KHDRBS3: variants seen among roughly 807,000 people sequenced by gnomAD.
KHDRBS3 encodes the protein KH RNA binding domain containing, signal transduction associated 3.
KHDRBS3 carries 23 observed loss-of-function variants against 45.6 expected under a neutral mutation model. The observed-to-expected ratio is 0.50, with a 90% confidence interval of 0.36 to 0.72. The LOEUF is 0.72. Among genes scored for constraint, KHDRBS3 ranks in the 30% least tolerant of loss-of-function variants. KHDRBS3 has a pLI of 0.00. For synonymous variants in KHDRBS3, 162 were observed against 156.5 expected, an observed-to-expected ratio of 1.04 and a Z score of -0.26; for missense variants, 352 against 424.8, an observed-to-expected ratio of 0.83 and a Z score of 1.51.
At chr8:135,553,791 T>C (rs984122742) in intron 4 of KHDRBS3, among the ~76,000 whole-genome samples, 1 of 152,198 alleles carries the variant, frequency 6.6e-6, no homozygotes, top group Admixed American at 6.5e-5. Context: ...TGCTTACACA[T>C]ATTTACTCAA....
chr8:135,527,053 G>A (rs1223616144), intron 2 of KHDRBS3, among the ~76,000 whole-genome samples: 1 of 151,926 alleles, frequency 6.6e-6, no homozygotes, highest in African/African-American at 2.4e-5. Context: ...AGGACCTACA[G>A]ATACATTATG....
At chr8:135,553,196 G>A (rs1290052155) in intron 4 of KHDRBS3, among the ~76,000 whole-genome samples, 2 of 152,062 alleles carry the variant, frequency 1.3e-5, no homozygotes, top group Admixed American at 1.3e-4. Flanking sequence ...GCATCCTTAG[G>A]CAAGCAGGCC....
intron 1 of KHDRBS3, among the ~76,000 whole-genome samples, chr8:135,513,074 C>T (rs1387934971): frequency 1.3e-5 from 2 of 152,086 alleles, no homozygotes; most frequent in Non-Finnish European, 2.9e-5. Context: ...GTGGCAGGCA[C>T]CTGTAGTCCC....
At chr8:135,510,583 C>G (rs751464158) in intron 1 of KHDRBS3, among the ~76,000 whole-genome samples, 1 of 152,152 alleles carries the variant, frequency 6.6e-6, no homozygotes, top group Non-Finnish European at 1.5e-5. Flanking sequence ...TATAGGCACA[C>G]GCCACCATGC....
chr8:135,517,555 A>T (rs1824674968), intron 1 of KHDRBS3, among the ~76,000 whole-genome samples: 1 of 152,230 alleles, frequency 6.6e-6, no homozygotes, highest in Non-Finnish European at 1.5e-5. Flanking sequence ...TTTCAAAAAA[A>T]AATTAAGCTA....
intron 6 of KHDRBS3, among the ~76,000 whole-genome samples, chr8:135,583,565 T>C (rs1291786227): frequency 6.6e-6 from 1 of 152,204 alleles, no homozygotes; most frequent in Non-Finnish European, 1.5e-5. Flanking sequence ...GGTTGGATGA[T>C]GTAGTAGAAA....
chr8:135,536,877 A>T (rs6577647), intron 2 of KHDRBS3, among the ~76,000 whole-genome samples: 1 of 147,286 alleles, frequency 6.8e-6, no homozygotes, highest in African/African-American at 2.5e-5. Flanking sequence ...GGAGAATGGC[A>T]TGAACCCGGG....
chr8:135,542,613 C>G (rs749432770), intron 2 of KHDRBS3, 41 bp from the exon 3 acceptor site: 2 of 1,282,464 alleles, frequency 1.6e-6, no homozygotes, highest in South Asian at 1.2e-5. Flanking sequence ...AAATTGCTTT[C>G]ACATATAAAT....
At chr8:135,574,100 T>C (rs909976170) in intron 5 of KHDRBS3, among the ~76,000 whole-genome samples, 10 of 152,232 alleles carry the variant, frequency 6.6e-5, no homozygotes, top group African/African-American at 2.4e-4. Context: ...CTGAATGTTA[T>C]TTGTAGCACT....
chr8:135,626,184 C>T (rs1434551654), intron 7 of KHDRBS3, among the ~76,000 whole-genome samples: 1 of 152,140 alleles, frequency 6.6e-6, no homozygotes, highest in Non-Finnish European at 1.5e-5. Flanking sequence ...TTAAACTTTA[C>T]AACAGTCCTA....
At chr8:135,469,506 GTTTTTTTTTTGTTTTGGTTTTTTTT>G (rs578144796) in intron 1 of KHDRBS3, among the ~76,000 whole-genome samples, 62,376 of 110,902 alleles carry the variant, frequency 0.56, 16,010 homozygotes, top group East Asian at 0.79. Flanking sequence ...CCAGGATGGT[GTTTTTTTTTTGTTTTGGTTTTTTTT>G]TTTTTTTTTT....
chr8:135,652,269 C>G (rs1203250756), downstream of KHDRBS3, among the ~76,000 whole-genome samples: 1 of 152,142 alleles, frequency 6.6e-6, no homozygotes, highest in Non-Finnish European at 1.5e-5. Context: ...ATGGAAAATC[C>G]CGTCCAGTTG....
intron 1 of KHDRBS3, among the ~76,000 whole-genome samples, chr8:135,506,810 C>T (rs962668218): frequency 2.0e-5 from 3 of 152,112 alleles, no homozygotes; most frequent in Non-Finnish European, 4.4e-5. Flanking sequence ...TAATTTCTAT[C>T]TTTGGTCCTA....
At chr8:135,605,446 A>T (rs1037955984) in intron 6 of KHDRBS3, among the ~76,000 whole-genome samples, 37 of 152,058 alleles carry the variant, frequency 2.4e-4, no homozygotes, top group Admixed American at 5.9e-4. Flanking sequence ...TACTTTAGTT[A>T]TTATACTTCG....
chr8:135,527,960 T>G (rs1825277585), intron 2 of KHDRBS3, among the ~76,000 whole-genome samples: 1 of 152,220 alleles, frequency 6.6e-6, no homozygotes, highest in Non-Finnish European at 1.5e-5. Flanking sequence ...TTCCATTTTT[T>G]GGGCAAAATG....
chr8:135,582,814 T>C (rs1482997577), intron 6 of KHDRBS3, among the ~76,000 whole-genome samples: 1 of 152,202 alleles, frequency 6.6e-6, no homozygotes, highest in Non-Finnish European at 1.5e-5. Context: ...GTTTTCATTG[T>C]TTTACTTTAG....
chr8:135,627,478 C>T (rs1312200184), intron 7 of KHDRBS3, among the ~76,000 whole-genome samples: 1 of 152,126 alleles, frequency 6.6e-6, no homozygotes, highest in African/African-American at 2.4e-5. Context: ...CACCCAATCC[C>T]CAGCCTTATA....
chr8:135,556,001 T>A (rs1452174725), intron 4 of KHDRBS3, among the ~76,000 whole-genome samples: 1 of 152,204 alleles, frequency 6.6e-6, no homozygotes, highest in Non-Finnish European at 1.5e-5. Context: ...TTTTCTGATC[T>A]TGTGATAGTT....
intron 1 of KHDRBS3, among the ~76,000 whole-genome samples, chr8:135,490,946 G>T (rs1823118722): frequency 6.6e-6 from 1 of 152,040 alleles, no homozygotes; most frequent in African/African-American, 2.4e-5. Context: ...TTTTTATGTT[G>T]GCATTATTAA....
Sources: allele counts gnomAD v4.1 joint callset (sites outside exome capture counted in the v4.1 genomes callset), GRCh38; gene constraint gnomAD v4.1.1; transcripts MANE v1.5; gene names NCBI Gene and HGNC (gene_info 2026-07-23, HGNC 2026-07-21).